Variants in GSE1 observed in about 807,000 individuals in gnomAD.
The protein encoded by GSE1 is Gse1 coiled-coil protein.
In GSE1, 32 loss-of-function variants were observed where a neutral mutation model predicts 112.6. The observed-to-expected ratio is 0.28, with a 90% CI of 0.21 to 0.38. The LOEUF is 0.38. Among genes scored for constraint, GSE1 ranks in the 10% least tolerant of loss-of-function variants. The pLI, the probability that GSE1 is intolerant of heterozygous loss-of-function variation, is 1.00. For synonymous variants in GSE1, 1,115 were observed against 735.6 expected (o/e 1.52, Z -8.35); for missense variants, 2,348 against 1,699.2 (o/e 1.38, Z -6.71).
chr16:85,454,483 T>C (rs1180109450), intron 2 of GSE1, among the ~76,000 whole-genome samples: 10 of 152,236 alleles, frequency 6.6e-5, no homozygotes, highest in Admixed American at 5.9e-4. Flanking sequence ...GGGCTCATTT[T>C]CCCTGGAGCA....
chr16:85,410,039 CCCGGA>C (rs1374132011), intron 2 of GSE1, among the ~76,000 whole-genome samples: 11 of 45,276 alleles, frequency 2.4e-4, no homozygotes, highest in Non-Finnish European at 3.9e-4. Flanking sequence ...CAGGGCCCCC[CCCGGA>C]TAATCCTCAC....
chr16:85,504,013 G>A (rs555759544), intron 2 of GSE1, among the ~76,000 whole-genome samples: 9 of 152,278 alleles, frequency 5.9e-5, no homozygotes, highest in East Asian at 3.9e-4. Flanking sequence ...CCGGGCTGCC[G>A]ACCCTGCAGA....
At chr16:85,544,692 G>T (rs192432483) in intron 2 of GSE1, among the ~76,000 whole-genome samples, 2 of 152,330 alleles carry the variant, frequency 1.3e-5, no homozygotes, top group Admixed American at 1.3e-4. Context: ...AGCGAGATCT[G>T]CGTGTCATCC....
chr16:85,596,279 C>T (rs563314180), intron 1 of GSE1, among the ~76,000 whole-genome samples: 61 of 152,306 alleles, frequency 4.0e-4, no homozygotes, highest in Admixed American at 3.3e-3. Context: ...AGCTGCAGAA[C>T]GCATCACTGA....
chr16:85,276,548 G>A (rs1371830848), intron 1 of GSE1, among the ~76,000 whole-genome samples: 1 of 152,250 alleles, frequency 6.6e-6, no homozygotes, highest in African/African-American at 2.4e-5. Flanking sequence ...AGGGCCTCAG[G>A]GAGCAATATT....
intron 1 of GSE1, among the ~76,000 whole-genome samples, chr16:85,333,816 A>G (rs1054340100): frequency 1.4e-4 from 22 of 152,038 alleles, no homozygotes; most frequent in African/African-American, 5.3e-4. Context: ...GGGGGCCCCA[A>G]GCTGCAGCCT....
chr16:85,585,361 C>T (rs1374643011), intron 1 of GSE1, among the ~76,000 whole-genome samples: 1 of 152,178 alleles, frequency 6.6e-6, no homozygotes, highest in Non-Finnish European at 1.5e-5. Flanking sequence ...CCCTTTTTGG[C>T]GGTTCTTCTG....
chr16:85,297,504 T>A (rs2045401149), intron 1 of GSE1, among the ~76,000 whole-genome samples: 1 of 150,364 alleles, frequency 6.7e-6, no homozygotes, highest in Non-Finnish European at 1.5e-5. Flanking sequence ...GTTTTTTTTG[T>A]TTTGTTTTGT....
At chr16:85,244,916 G>A (rs187389268) in intron 1 of GSE1, among the ~76,000 whole-genome samples, 4 of 151,552 alleles carry the variant, frequency 2.6e-5, no homozygotes, top group African/African-American at 9.7e-5. Context: ...GCTTGAACCC[G>A]GGAGGCAGAG....
chr16:85,570,422 A>AC (rs1486141485), intron 1 of GSE1, among the ~76,000 whole-genome samples: 3 of 152,134 alleles, frequency 2.0e-5, no homozygotes. Flanking sequence ...GAGAACTGAC[A>AC]CCTGCTGTGT....
At chr16:85,605,365 G>A (rs377173507) in intron 1 of GSE1, among the ~76,000 whole-genome samples, 3 of 152,022 alleles carry the variant, frequency 2.0e-5, no homozygotes, top group South Asian at 2.1e-4. Context: ...CTAAGTGACC[G>A]ACCTCCCTGC....
At chr16:85,471,614 A>G (rs368156207) in intron 2 of GSE1, among the ~76,000 whole-genome samples, 5 of 152,084 alleles carry the variant, frequency 3.3e-5, no homozygotes, top group African/African-American at 9.7e-5. Context: ...GGGTCTCGCT[A>G]TGTTGCCCAG....
chr16:85,325,994 G>A (rs1464366897), intron 1 of GSE1, among the ~76,000 whole-genome samples: 3 of 152,074 alleles, frequency 2.0e-5, no homozygotes, highest in East Asian at 1.9e-4. Flanking sequence ...TGATCCACCC[G>A]CCTCAGCCTC....
chr16:85,309,922 A>G (rs1266941505), intron 1 of GSE1, among the ~76,000 whole-genome samples: 1 of 152,184 alleles, frequency 6.6e-6, no homozygotes, highest in Non-Finnish European at 1.5e-5. Context: ...CAGCTCAGGA[A>G]CAGACATCCC....
At chr16:85,554,987 C>A (rs1488925026), upstream of GSE1, 2 of 985,222 alleles carry the variant, frequency 2.0e-6, no homozygotes, top group African/African-American at 1.7e-5. Flanking sequence ...CGCTCCCCGT[C>A]CGCATGGATC....
intron 13 of GSE1, 132 bp downstream of exon 13, chr16:85,666,479 TA>T: frequency 3.7e-6 from 3 of 808,520 alleles, no homozygotes; most frequent in Non-Finnish European, 6.0e-6. Context: ...CAGAAGAAAA[TA>T]ATTTCGTTAT....
chr16:85,521,499 G>A (rs1233188800), intron 2 of GSE1, among the ~76,000 whole-genome samples: 1 of 152,212 alleles, frequency 6.6e-6, no homozygotes, highest in Non-Finnish European at 1.5e-5. Flanking sequence ...ATAGGCCAGG[G>A]TTTCAGGCCC....
intron 2 of GSE1, among the ~76,000 whole-genome samples, chr16:85,543,982 C>T (rs976135713): frequency 6.6e-6 from 1 of 152,176 alleles, no homozygotes; most frequent in East Asian, 1.9e-4. Flanking sequence ...GGACTACAGG[C>T]GTGCACCACC....
chr16:85,426,333 A>G lies in GSE1; in HGVS notation c.2464+68690A>G, dbSNP rs190149854. ...AGGAAGGGTGGGTGGGTAGATGTAT[A>G]TATGGATGGATGGAAGAAGGGTGGG... is the stretch of plus-strand genomic sequence containing the variant. On this transcript the variant is annotated intron_variant, in intron 2 of 2. Coordinates refer to the GSE1 transcript ENST00000637419. Among the ~76,000 whole-genome samples, 144 of 126,966 alleles carry G rather than the reference A, an allele frequency of 1.1e-3. 2 individuals are homozygous for G. The highest frequency in any genetic ancestry group is 4.2e-3 in the African/African-American group (138 of 33,046). The allele number at this position is 126,966 out of a possible 152,430, so 83.3% of individuals were successfully genotyped here.
Sources: allele counts gnomAD v4.1 joint callset (sites outside exome capture counted in the v4.1 genomes callset), GRCh38; gene constraint gnomAD v4.1.1; transcripts MANE v1.5; gene names NCBI Gene and HGNC (gene_info 2026-07-23, HGNC 2026-07-21).